The following PPP1R12B variants were observed in gnomAD, a reference collection of about 807,000 sequenced individuals.
The protein encoded by PPP1R12B is protein phosphatase 1 regulatory subunit 12B, also known as myosin phosphatase target subunit 2.
Under a neutral mutation model 126.1 loss-of-function variants are expected in PPP1R12B, and 76 were observed. That is an observed-to-expected ratio of 0.60 (90% CI 0.50 to 0.73). The LOEUF (loss-of-function observed/expected upper bound fraction) is 0.73, where lower values mean the gene tolerates loss of function less well. Ranked by LOEUF, PPP1R12B falls within the 30% of genes least tolerant of loss-of-function variation. The probability of loss-of-function intolerance (pLI) is 0.00; values close to 1 mark genes in which losing one functional copy is unlikely to be tolerated. For synonymous variants in PPP1R12B, 356 were observed against 434.7 expected (o/e 0.82, Z 2.25); for missense variants, 1,052 against 1,205.1 (o/e 0.87, Z 1.88).
intron 2 of PPP1R12B, among the ~76,000 whole-genome samples, 168 bp from the exon 3 acceptor site, chr1:202,422,452 C>G (rs1020597149): frequency 6.6e-6 from 1 of 152,152 alleles, no homozygotes; most frequent in African/African-American, 2.4e-5. Context: ...AGCCTTCAGT[C>G]TTAATTATTG....
intron 1 of PPP1R12B, among the ~76,000 whole-genome samples, chr1:202,374,360 C>T (rs1308292325): frequency 6.6e-6 from 1 of 152,128 alleles, no homozygotes; most frequent in African/African-American, 2.4e-5. Flanking sequence ...ATACCTAGCA[C>T]TGTGAATATA....
intron 1 of PPP1R12B, among the ~76,000 whole-genome samples, chr1:202,415,367 T>G (rs1011976511): frequency 6.6e-6 from 1 of 152,222 alleles, no homozygotes; most frequent in Non-Finnish European, 1.5e-5. Flanking sequence ...GTCAATACAA[T>G]GAAAATGCAA....
chr1:202,438,970 A>G, intron 10 of PPP1R12B: 3 of 1,528,434 alleles, frequency 2.0e-6, no homozygotes, highest in South Asian at 1.1e-5. Flanking sequence ...AGATGCTCAC[A>G]GGGCAGGAGC....
chr1:202,400,440 G>A (rs565898578), intron 1 of PPP1R12B, among the ~76,000 whole-genome samples: 15 of 152,302 alleles, frequency 9.8e-5, no homozygotes, highest in Admixed American at 9.1e-4. Flanking sequence ...GAAACTGGTG[G>A]TAGTGGCTAG....
rs946152120 is a variant in PPP1R12B at position 202,588,358 on chromosome 1, G to C, written c.*7798G>C. On this transcript the variant is annotated 3_prime_UTR_variant, in exon 24 of 24. Transcript: ENST00000608999. ...GGTTGGGGTTGTTTAGGGAGAAGCA[G>C]CCAGACTTGCTTTGTGAACTGAATG... 2 of 152,624 alleles carry C rather than the reference G, an allele frequency of 1.3e-5. No homozygotes were observed. The highest frequency in any genetic ancestry group is 2.4e-5 in the African/African-American group (1 of 41,460). 9.5% of individuals were successfully genotyped at this position (152,624 alleles called of 1,614,324 possible). A position where few individuals can be genotyped will look rare whatever the true frequency, so the allele number is the denominator to read the frequency against.
intron 1 of PPP1R12B, among the ~76,000 whole-genome samples, chr1:202,403,788 A>T (rs1175922413): frequency 1.3e-5 from 2 of 152,194 alleles, no homozygotes; most frequent in Non-Finnish European, 2.9e-5. Flanking sequence ...GACTTCTAAG[A>T]CTTCCTTATA....
At chr1:202,392,164 C>G (rs1212341528) in intron 1 of PPP1R12B, among the ~76,000 whole-genome samples, 1 of 151,848 alleles carries the variant, frequency 6.6e-6, no homozygotes, top group Non-Finnish European at 1.5e-5. Flanking sequence ...AAACATGTGT[C>G]CATACAACAC....
In PPP1R12B at chr1:202,483,526, A is replaced by G. The variant is rs1252248991; in HGVS notation, c.1851-5007A>G. On this transcript the variant is annotated intron_variant, in intron 13 of 23. Transcript: ENST00000608999. ...GTAGTTTGGTGGGAACGACGGTTAC[A>G]GAACAGGTGACTCAGGATGACTCAG... Among the ~76,000 whole-genome samples, 6 of 152,298 alleles carry G rather than the reference A, an allele frequency of 3.9e-5. No individual in the cohort carries two copies. The East Asian group carries it at 7.7e-4, about 20-fold the overall frequency.
intron 13 of PPP1R12B, among the ~76,000 whole-genome samples, chr1:202,478,427 G>A (rs74569618): frequency 0.01 from 1,564 of 152,274 alleles, 26 homozygotes; most frequent in African/African-American, 0.035. Flanking sequence ...TCTTTGGAAT[G>A]CCCATCTGAG....
intron 13 of PPP1R12B, among the ~76,000 whole-genome samples, chr1:202,459,791 CAG>C (rs1465519675): frequency 3.3e-5 from 5 of 152,190 alleles, no homozygotes; most frequent in African/African-American, 1.2e-4. Flanking sequence ...GGTTTTGACT[CAG>C]GGGCCAGTCC....
chr1:202,537,086 C>T (rs1251614888), intron 18 of PPP1R12B, among the ~76,000 whole-genome samples: 2 of 152,188 alleles, frequency 1.3e-5, no homozygotes, highest in Non-Finnish European at 2.9e-5. Context: ...TAGTGGCTCA[C>T]GCCTGTAATC....
At chr1:202,514,261 T>C (rs1681858513) in intron 18 of PPP1R12B, among the ~76,000 whole-genome samples, 1 of 152,192 alleles carries the variant, frequency 6.6e-6, no homozygotes, top group Non-Finnish European at 1.5e-5. Context: ...TCCTGTCCTT[T>C]GCCCATTTTT....
intron 20 of PPP1R12B, among the ~76,000 whole-genome samples, chr1:202,563,385 G>A (rs1313818478): frequency 2.0e-5 from 3 of 152,064 alleles, no homozygotes; most frequent in African/African-American, 7.2e-5. Flanking sequence ...CCAAAGTGCT[G>A]GGATTACAGA....
At chr1:202,365,923 C>T (rs777792945) in intron 1 of PPP1R12B, among the ~76,000 whole-genome samples, 1 of 151,968 alleles carries the variant, frequency 6.6e-6, no homozygotes, top group Non-Finnish European at 1.5e-5. Flanking sequence ...CTGGGAGTTT[C>T]GGGCTGCAAT....
chr1:202,529,758 A>G (rs1275356516), intron 18 of PPP1R12B, among the ~76,000 whole-genome samples: 1 of 152,196 alleles, frequency 6.6e-6, no homozygotes, highest in African/African-American at 2.4e-5. Context: ...TTATAAGCAC[A>G]ACTTAACTAT....
rs776495142 is a variant in PPP1R12B at position 202,581,539 on chromosome 1, C to T, written c.*979C>T. On this transcript the variant is annotated 3_prime_UTR_variant, in exon 24 of 24. Coordinates refer to ENST00000608999, the MANE Select transcript of PPP1R12B (RefSeq NM_002481.4). ...CTGAATACTCCATTCTGCCTCACTT[C>T]CTTGACCTTGTTTTCCTCTCTTCGC... 5 of 152,004 alleles carry T rather than the reference C, an allele frequency of 3.3e-5. No homozygotes were observed. Among genetic ancestry groups the T allele is most frequent in the Non-Finnish European group, 5.9e-5 (4 of 68,044 alleles). The allele number at this position is 152,004 out of a possible 1,614,324, so 9.4% of individuals were successfully genotyped here. A position where few individuals can be genotyped will look rare whatever the true frequency, so the allele number is the denominator to read the frequency against.
At chr1:202,380,385 G>A (rs941514984) in intron 1 of PPP1R12B, among the ~76,000 whole-genome samples, 3 of 152,178 alleles carry the variant, frequency 2.0e-5, no homozygotes, top group African/African-American at 7.2e-5. Flanking sequence ...AGAGTTTCCA[G>A]CCCAGGGCTG....
intron 11 of PPP1R12B, among the ~76,000 whole-genome samples, chr1:202,441,804 A>G (rs572691863): frequency 6.6e-6 from 1 of 151,198 alleles, no homozygotes; most frequent in South Asian, 2.1e-4. Flanking sequence ...TCATTTCCTT[A>G]TCTGCTTAAC....
chr1:202,352,962 C>G (rs1443709713), intron 1 of PPP1R12B, among the ~76,000 whole-genome samples: 2 of 152,052 alleles, frequency 1.3e-5, no homozygotes, highest in Non-Finnish European at 2.9e-5. Context: ...CAAGGTCACA[C>G]CAGACTGGAA....
Sources: allele counts gnomAD v4.1 joint callset (sites outside exome capture counted in the v4.1 genomes callset), GRCh38; gene constraint gnomAD v4.1.1; transcripts MANE v1.5; gene names NCBI Gene and HGNC (gene_info 2026-07-23, HGNC 2026-07-21).